TENM2: variants seen among roughly 807,000 people sequenced by gnomAD.
TENM2 encodes teneurin transmembrane protein 2, also known as teneurin-2.
TENM2 carries 52 observed loss-of-function variants against 245.2 expected under a neutral mutation model. The observed-to-expected ratio is 0.21, with a 90% CI of 0.17 to 0.27. The LOEUF is 0.27. TENM2 is among the 10% of genes least tolerant of loss of function. The pLI is 1.00. For missense variants in TENM2, 3,046 were observed against 3,666.8 expected, an observed-to-expected ratio of 0.83 and a Z score of 4.37; for synonymous variants, 1,363 against 1,438.9, an observed-to-expected ratio of 0.95 and a Z score of 1.19.
At chr5:167,289,113 C>T (rs1046358975) in intron 1 of TENM2, among the ~76,000 whole-genome samples, 1 of 152,164 alleles carries the variant, frequency 6.6e-6, no homozygotes, top group East Asian at 1.9e-4. Context: ...GCCTACAATA[C>T]CTCTCTACCA....
At chr5:167,923,097 G>A (rs1296460120) in intron 3 of TENM2, among the ~76,000 whole-genome samples, 1 of 152,172 alleles carries the variant, frequency 6.6e-6, no homozygotes, top group Non-Finnish European at 1.5e-5. Context: ...GCCAAGGCAG[G>A]TAGATCACCT....
At chr5:167,329,006 A>G (rs952111848) in intron 1 of TENM2, among the ~76,000 whole-genome samples, 2 of 152,228 alleles carry the variant, frequency 1.3e-5, no homozygotes, top group African/African-American at 4.8e-5. Flanking sequence ...ATGAATAAAT[A>G]CATGACAATA....
At chr5:167,503,591 C>A (rs1769354212) in intron 2 of TENM2, among the ~76,000 whole-genome samples, 1 of 151,656 alleles carries the variant, frequency 6.6e-6, no homozygotes, top group Non-Finnish European at 1.5e-5. Context: ...ACCAGAATCT[C>A]ACTGTTAAAA....
chr5:167,548,928 A>G (rs1333368906), intron 2 of TENM2, among the ~76,000 whole-genome samples: 1 of 152,212 alleles, frequency 6.6e-6, no homozygotes, highest in Non-Finnish European at 1.5e-5. Flanking sequence ...AAGTAGTGCT[A>G]ATTAATAATC....
intron 1 of TENM2, among the ~76,000 whole-genome samples, chr5:167,371,334 G>GTTT (rs768614312): frequency 0.21 from 27,395 of 128,494 alleles, 2,904 homozygotes; most frequent in South Asian, 0.29. Context: ...ATGGCTCCCT[G>GTTT]TTTTTTTTTT....
chr5:167,459,073 G>C (rs774103322), intron 2 of TENM2, among the ~76,000 whole-genome samples: 11 of 152,142 alleles, frequency 7.2e-5, no homozygotes, highest in Non-Finnish European at 1.6e-4. Flanking sequence ...TTGTGCCACT[G>C]TCACCACCAT....
chr5:168,176,191 ATCCTT>A (rs1759342734), intron 13 of TENM2, among the ~76,000 whole-genome samples: 1 of 152,206 alleles, frequency 6.6e-6, no homozygotes, highest in Non-Finnish European at 1.5e-5. Context: ...AGCTAGAAGA[ATCCTT>A]TCAGAAGTCA....
At chr5:167,035,145 C>G in the TENM2 span, among the ~76,000 whole-genome samples, 2 of 151,986 alleles carry the variant, frequency 1.3e-5, no homozygotes, top group Non-Finnish European at 2.9e-5. Context: ...TTATTTGAAA[C>G]AAGCAGAGAT....
intron 2 of TENM2, chr5:167,821,041 G>A (rs796668825): frequency 3.9e-5 from 6 of 152,296 alleles, no homozygotes; most frequent in African/African-American, 1.4e-4. Context: ...GGAAAAGGTG[G>A]GGAGTGGGGT....
chr5:168,188,256 TC>T (rs1397756738), intron 13 of TENM2, among the ~76,000 whole-genome samples: 8 of 152,226 alleles, frequency 5.3e-5, no homozygotes, highest in African/African-American at 1.9e-4. Context: ...GATTCAGCGT[TC>T]CAGTACAAGT....
At chr5:167,031,287 T>C in the TENM2 span, among the ~76,000 whole-genome samples, 1 of 152,194 alleles carries the variant, frequency 6.6e-6, no homozygotes, top group East Asian at 1.9e-4. Flanking sequence ...TCTAGGCCAG[T>C]TTTCATTTCA....
chr5:168,063,744 T>C (rs1581198008), intron 7 of TENM2, among the ~76,000 whole-genome samples: 1 of 152,198 alleles, frequency 6.6e-6, no homozygotes, highest in South Asian at 2.1e-4. Context: ...ACCTCCCATA[T>C]AACTCTTAAG....
intron 2 of TENM2, among the ~76,000 whole-genome samples, chr5:167,747,366 T>G (rs1415269885): frequency 6.6e-6 from 1 of 152,196 alleles, no homozygotes; most frequent in African/African-American, 2.4e-5. Context: ...TGGCAATTTC[T>G]CTATCAAGGC....
At position 168,091,256 on chromosome 5, in the gene TENM2, A is replaced by C. The variant is rs138285697; in HGVS notation, c.1711+487A>C. Among the ~76,000 whole-genome samples, 4 of 152,344 alleles carry C rather than the reference A, an allele frequency of 2.6e-5. No homozygotes were observed. The East Asian group carries it at 7.7e-4, about 29-fold the overall frequency. On this transcript the variant is annotated intron_variant, in intron 8 of 28. Transcript: ENST00000518659. ...TACTAATAAAAAGTGATTTTTAAAA[A>C]AACTTTAAATCAGAGAAATTATATA...
chr5:167,111,487 A>T, the TENM2 span, among the ~76,000 whole-genome samples: 2 of 152,230 alleles, frequency 1.3e-5, no homozygotes, highest in Admixed American at 6.5e-5. Context: ...CGTAGGAAGC[A>T]CCTGTTGCGC....
At chr5:168,147,499 A>G (rs1262484540) in intron 12 of TENM2, among the ~76,000 whole-genome samples, 1 of 152,178 alleles carries the variant, frequency 6.6e-6, no homozygotes, top group Non-Finnish European at 1.5e-5. Context: ...TACCTATGAC[A>G]CTATACATAG....
chr5:167,256,912 A>G, the TENM2 span, among the ~76,000 whole-genome samples: 4 of 152,288 alleles, frequency 2.6e-5, no homozygotes, highest in South Asian at 8.3e-4. Flanking sequence ...AAAACAACTT[A>G]TAGGAAGTTT....
At chr5:166,994,070 C>T in the TENM2 span, among the ~76,000 whole-genome samples, 1 of 152,116 alleles carries the variant, frequency 6.6e-6, no homozygotes, top group Non-Finnish European at 1.5e-5. Context: ...GATATATACA[C>T]ATATCATACC....
At chr5:167,853,014 C>T (rs1314738318) in intron 2 of TENM2, among the ~76,000 whole-genome samples, 1 of 148,288 alleles carries the variant, frequency 6.7e-6, no homozygotes, top group Non-Finnish European at 1.5e-5. Flanking sequence ...CTGCCAGGCG[C>T]GGTGGCTCAC....
Sources: gnomAD v4.1 joint callset for allele counts (sites outside exome capture counted in the v4.1 genomes callset) on GRCh38, gnomAD v4.1.1 for gene constraint, MANE v1.5 for transcripts, NCBI Gene and HGNC (gene_info 2026-07-23, HGNC 2026-07-21) for gene names.